The following SNTG1 variants were observed in gnomAD, a reference collection of about 807,000 sequenced individuals.
The protein encoded by SNTG1 is syntrophin gamma 1, also known as gamma-1-syntrophin.
SNTG1 carries 39 observed loss-of-function variants against 74.7 expected under a neutral mutation model. The ratio of observed to expected loss-of-function variants is 0.52; its 90% CI spans 0.40 to 0.68. The LOEUF is 0.68. Among genes scored for constraint, SNTG1 ranks in the 30% least tolerant of loss-of-function variants. SNTG1 has a pLI of 0.00. For missense variants in SNTG1, 685 were observed against 609.5 expected (o/e 1.12, Z -1.30); for synonymous variants, 254 against 217.1 (o/e 1.17, Z -1.49).
chr8:50,039,555 G>A (rs950573798), intron 1 of SNTG1, among the ~76,000 whole-genome samples: 2 of 149,800 alleles, frequency 1.3e-5, no homozygotes, highest in Admixed American at 6.7e-5. Flanking sequence ...TCATTGGGAT[G>A]CATCAACTGA....
intron 1 of SNTG1, among the ~76,000 whole-genome samples, chr8:50,087,370 C>T (rs779883364): frequency 6.6e-6 from 1 of 152,136 alleles, no homozygotes; most frequent in African/African-American, 2.4e-5. Flanking sequence ...TTCCACAGTT[C>T]CAGAGCAGCT....
intron 18 of SNTG1, among the ~76,000 whole-genome samples, chr8:50,788,668 G>A (rs1435778378): frequency 2.0e-5 from 3 of 151,934 alleles, no homozygotes; most frequent in Non-Finnish European, 4.4e-5. Context: ...CAGATTTTAT[G>A]CCTAAAATGA....
At position 50,753,473 on chromosome 8, in the gene SNTG1, G is replaced by T. The variant is rs12056631; in HGVS notation, c.1395+1362G>T. ...ACCTCAACCACCAGTTGCTGACAGCGGTACAGTATTCAGTTGCTTACCCCA... is the reference window on the plus strand; with the variant it reads ...ACCTCAACCACCAGTTGCTGACAGCTGTACAGTATTCAGTTGCTTACCCCA... On this transcript the variant is annotated intron_variant, in intron 18 of 18. Transcript: ENST00000642720. 2.3e-3 allele frequency among the ~76,000 whole-genome samples: 357 copies of T among 152,002 alleles called. 3 individuals are homozygous for T. In the East Asian group the frequency reaches 0.032, roughly 14 times the overall value.
At chr8:49,940,340 G>A (rs996119662) in intron 1 of SNTG1, among the ~76,000 whole-genome samples, 4 of 152,170 alleles carry the variant, frequency 2.6e-5, no homozygotes, top group Non-Finnish European at 5.9e-5. Context: ...CACTCTTGGG[G>A]TGGGTGGTGG....
intron 2 of SNTG1, among the ~76,000 whole-genome samples, chr8:50,226,037 A>T (rs554617669): frequency 1.3e-5 from 2 of 152,382 alleles, no homozygotes; most frequent in East Asian, 3.9e-4. Flanking sequence ...CAACAAAATG[A>T]ACACAATAGA....
At chr8:50,684,849 C>T (rs2095345692) in intron 15 of SNTG1, among the ~76,000 whole-genome samples, 2 of 150,616 alleles carry the variant, frequency 1.3e-5, no homozygotes, top group African/African-American at 2.4e-5. Context: ...AACTCGTCAT[C>T]TACCATTAGG....
At chr8:50,625,990 A>G (rs531806576) in intron 13 of SNTG1, among the ~76,000 whole-genome samples, 57 of 152,278 alleles carry the variant, frequency 3.7e-4, no homozygotes, top group Middle Eastern at 3.4e-3. Context: ...TACACAGCCA[A>G]AAGATACACA....
chr8:50,704,468 A>G, intron 15 of SNTG1, 132 bp from the exon 16 acceptor site: 1 of 1,120,898 alleles, frequency 8.9e-7, no homozygotes, highest in Non-Finnish European at 1.3e-6. Flanking sequence ...ATAATGTCTA[A>G]TGAAGACTTG....
chr8:50,546,562 G>C (rs566657594), intron 11 of SNTG1, among the ~76,000 whole-genome samples: 1 of 139,060 alleles, frequency 7.2e-6, no homozygotes, highest in Non-Finnish European at 1.5e-5. Context: ...TCCCCAGTGT[G>C]TGATGTTCCC....
chr8:50,752,247 A>G, intron 18 of SNTG1, 136 bp downstream of exon 18: 1 of 432,664 alleles, frequency 2.3e-6, no homozygotes. Flanking sequence ...CGTCATGGCC[A>G]GAAGAATAAA....
intron 1 of SNTG1, among the ~76,000 whole-genome samples, chr8:49,973,782 A>G (rs1436332163): frequency 6.6e-6 from 1 of 152,208 alleles, no homozygotes; most frequent in African/African-American, 2.4e-5. Context: ...TTTGGAGAAA[A>G]TAAAAATGAA....
intron 17 of SNTG1, among the ~76,000 whole-genome samples, chr8:50,719,414 C>A (rs1378064837): frequency 6.6e-6 from 1 of 152,130 alleles, no homozygotes; most frequent in African/African-American, 2.4e-5. Context: ...TGACCTTTCA[C>A]CAGACACCAA....
chr8:50,405,714 C>A (rs908092886), intron 4 of SNTG1, among the ~76,000 whole-genome samples: 1 of 151,988 alleles, frequency 6.6e-6, no homozygotes, highest in African/African-American at 2.4e-5. Flanking sequence ...TAAATAATTG[C>A]CAAATTCAGT....
At chr8:50,633,923 G>C (rs2095021576) in intron 13 of SNTG1, among the ~76,000 whole-genome samples, 2 of 152,158 alleles carry the variant, frequency 1.3e-5, no homozygotes, top group Admixed American at 1.3e-4. Flanking sequence ...AGTAGAAATT[G>C]TTGCATTATA....
chr8:50,657,979 C>G (rs1366989676), intron 14 of SNTG1, among the ~76,000 whole-genome samples: 1 of 152,050 alleles, frequency 6.6e-6, no homozygotes, highest in African/African-American at 2.4e-5. Context: ...GTCTAACTTG[C>G]TGCTGTTTTA....
chr8:50,699,265 G>A (rs919813358), intron 15 of SNTG1, among the ~76,000 whole-genome samples: 2 of 152,046 alleles, frequency 1.3e-5, no homozygotes, highest in African/African-American at 2.4e-5. Flanking sequence ...ATTCTTGTGA[G>A]GATCTTACTA....
intron 1 of SNTG1, among the ~76,000 whole-genome samples, chr8:50,139,024 C>A (rs1275507995): frequency 1.3e-5 from 2 of 152,114 alleles, no homozygotes; most frequent in Non-Finnish European, 2.9e-5. Flanking sequence ...TCCTGCTACA[C>A]ACAAATGCTG....
chr8:50,676,702 G>C (rs532997588), intron 15 of SNTG1, among the ~76,000 whole-genome samples: 1 of 151,598 alleles, frequency 6.6e-6, no homozygotes, highest in Admixed American at 6.6e-5. Flanking sequence ...TTTTTGACAG[G>C]TGTGAGTAAA....
At chr8:50,300,605 C>T (rs946966662) in intron 2 of SNTG1, among the ~76,000 whole-genome samples, 2 of 150,306 alleles carry the variant, frequency 1.3e-5, no homozygotes, top group Non-Finnish European at 3.0e-5. Flanking sequence ...AAATTTTTCC[C>T]ATGGAAGAAA....
Sources: gnomAD v4.1 joint callset for allele counts (sites outside exome capture counted in the v4.1 genomes callset) on GRCh38, gnomAD v4.1.1 for gene constraint, MANE v1.5 for transcripts, NCBI Gene and HGNC (gene_info 2026-07-23, HGNC 2026-07-21) for gene names.